MOK: variants seen among roughly 807,000 people sequenced by gnomAD.
MOK encodes the protein MAPK/MAK/MRK overlapping kinase.
A neutral mutation model predicts 54.2 loss-of-function variants in MOK; 59 were observed. The ratio of observed to expected loss-of-function variants is 1.09; its 90% CI spans 0.88 to 1.35. The LOEUF (loss-of-function observed/expected upper bound fraction) is 1.35. Ranked by LOEUF, MOK falls within the 40% of genes most tolerant of loss-of-function variation. The pLI, the probability that MOK is intolerant of heterozygous loss-of-function variation, is 0.00. For synonymous variants in MOK, 210 were observed against 202.7 expected (o/e 1.04, Z -0.31); for missense variants, 517 against 526.2 (o/e 0.98, Z 0.17).
chr14:102,237,218 C>T (rs2065300693), intron 7 of MOK, among the ~76,000 whole-genome samples: 1 of 152,196 alleles, frequency 6.6e-6, no homozygotes, highest in Non-Finnish European at 1.5e-5. Context: ...TTTTCCCTAG[C>T]CGTCTCCTTC....
intron 7 of MOK, among the ~76,000 whole-genome samples, chr14:102,243,081 G>T (rs2065840440): frequency 6.6e-6 from 1 of 152,056 alleles, no homozygotes; most frequent in South Asian, 2.1e-4. Flanking sequence ...AAACACACAT[G>T]CCCTCCCTGC....
At chr14:102,302,413 A>C (rs578205155) in intron 1 of MOK, among the ~76,000 whole-genome samples, 4 of 150,912 alleles carry the variant, frequency 2.7e-5, no homozygotes, top group Non-Finnish European at 5.9e-5. Context: ...ATATATACAT[A>C]TTTATTTTCT....
chr14:102,218,062 G>C, the MOK span, among the ~76,000 whole-genome samples: 65 of 152,342 alleles, frequency 4.3e-4, no homozygotes, highest in African/African-American at 1.5e-3. Context: ...GGATGTTGTG[G>C]CTGTGTAGAA....
At chr14:102,292,624 C>G (rs188363735) in intron 1 of MOK, among the ~76,000 whole-genome samples, 5 of 151,998 alleles carry the variant, frequency 3.3e-5, no homozygotes, top group African/African-American at 4.8e-5. Context: ...CTGTGTGCAC[C>G]TTGTCCTCCT....
chr14:102,220,439 A>G (rs2063752900), downstream of MOK, among the ~76,000 whole-genome samples: 1 of 152,252 alleles, frequency 6.6e-6, no homozygotes, highest in Non-Finnish European at 1.5e-5. The surrounding 1 kb of genome is among the most constrained non-coding windows in gnomAD (Gnocchi z 4.2). Context: ...AAATATTAAA[A>G]TTGGCCAGGT....
At chr14:102,271,172 G>A (rs1488259809) in intron 2 of MOK, among the ~76,000 whole-genome samples, 3 of 152,142 alleles carry the variant, frequency 2.0e-5, no homozygotes, top group Admixed American at 6.6e-5. Context: ...ATGACAGAGC[G>A]AGACTCCATC....
intron 1 of MOK, among the ~76,000 whole-genome samples, chr14:102,287,263 G>A (rs2070229037): frequency 6.6e-6 from 1 of 152,146 alleles, no homozygotes; most frequent in African/African-American, 2.4e-5. Context: ...GAGGTCAGGA[G>A]TTCGAGACCA....
intron 8 of MOK, chr14:102,233,322 A>C (rs898081728): frequency 1.5e-5 from 3 of 193,860 alleles, no homozygotes; most frequent in African/African-American, 7.0e-5. Flanking sequence ...CGGTCCCGCC[A>C]GCAGGGCTGT....
chr14:102,268,687 G>C (rs561664699), intron 2 of MOK, among the ~76,000 whole-genome samples: 2 of 152,050 alleles, frequency 1.3e-5, no homozygotes, highest in African/African-American at 4.8e-5. Context: ...AGGCCGAGGC[G>C]GGTGGATCAT....
chr14:102,303,761 A>G (rs1297407725), intron 1 of MOK, among the ~76,000 whole-genome samples: 1 of 152,250 alleles, frequency 6.6e-6, no homozygotes, highest in Non-Finnish European at 1.5e-5. Context: ...GTCCAGTGAA[A>G]ATAAATACAT....
In MOK at chr14:102,236,685, CCA is replaced by C. The variant is rs2065249102; in HGVS notation, c.591-2898_591-2897del. 6.6e-6 allele frequency among the ~76,000 whole-genome samples: 1 copy of C among 152,022 alleles called. No homozygotes were observed. The highest frequency in any genetic ancestry group is 2.4e-5 in the African/African-American group (1 of 41,362). On this transcript the variant is annotated intron_variant, in intron 7 of 11. Coordinates refer to ENST00000361847, the MANE Select transcript of MOK (RefSeq NM_014226.3). This position sits in a 1 kb window ranked among gnomAD's most constrained non-coding sequence, Gnocchi z 4.5. The stretch of plus-strand genomic sequence containing the variant: ...GTAAACCCAACAGGGTGGGACACCA[CCA>C]CCCCTTCCCTAGCTACTCACCACGA...
intron 7 of MOK, among the ~76,000 whole-genome samples, chr14:102,248,817 A>AT (rs1303583434): frequency 1.3e-5 from 2 of 149,730 alleles, no homozygotes; most frequent in African/African-American, 4.9e-5. Context: ...GGATGCGGCC[A>AT]TACCAAAGAA....
chr14:102,242,513 G>A lies in MOK; in HGVS notation c.590+8299C>T, dbSNP rs1466419577. On this transcript the variant is annotated intron_variant, in intron 7 of 11. Transcript: ENST00000361847. ...TCCCCACCTTAATCCACAAGTATGG[G>A]ACACCTCTACTCTCCCCTGGCAACT... 1.0e-4 allele frequency among the ~76,000 whole-genome samples: 4 copies of A among 38,174 alleles called. No homozygotes were observed. The Admixed American group carries it at 1.1e-3, about 10-fold the overall frequency. The allele number at this position is 38,174 out of a possible 152,430, so 25.0% of individuals were successfully genotyped here.
At chr14:102,222,983 T>C (rs1162605604), downstream of MOK, 1 of 1,469,660 alleles carries the variant, frequency 6.8e-7, no homozygotes, top group Non-Finnish European at 9.5e-7. The surrounding 1 kb of genome is among the most constrained non-coding windows in gnomAD (Gnocchi z 4.4). Flanking sequence ...CCGGCGGACC[T>C]CAGGCGGTGG....
chr14:102,220,250 G>A (rs2153064818), downstream of MOK, among the ~76,000 whole-genome samples: 1 of 152,272 alleles, frequency 6.6e-6, no homozygotes, highest in South Asian at 2.1e-4. This position sits in a 1 kb window ranked among gnomAD's most constrained non-coding sequence, Gnocchi z 4.2. Context: ...CTAAGGAAGG[G>A]TGCTGTCCCT....
At chr14:102,298,400 G>A (rs2153192772) in intron 1 of MOK, among the ~76,000 whole-genome samples, 1 of 152,312 alleles carries the variant, frequency 6.6e-6, no homozygotes, top group Non-Finnish European at 1.5e-5. Flanking sequence ...CTCACGGTTT[G>A]TAAATACACC....
At chr14:102,304,016 C>G (rs376224450) in intron 1 of MOK, among the ~76,000 whole-genome samples, 1 of 152,156 alleles carries the variant, frequency 6.6e-6, no homozygotes, top group Non-Finnish European at 1.5e-5. Context: ...TGGATTCTAA[C>G]TACAGCTTTG....
intron 4 of MOK, among the ~76,000 whole-genome samples, chr14:102,261,875 G>A (rs1218944648): frequency 2.1e-5 from 3 of 143,408 alleles, no homozygotes; most frequent in Non-Finnish European, 3.0e-5. Flanking sequence ...ACGGAGTCTC[G>A]CTCTGTCACC....
At chr14:102,293,775 T>C (rs2071073208) in intron 1 of MOK, among the ~76,000 whole-genome samples, 1 of 151,946 alleles carries the variant, frequency 6.6e-6, no homozygotes, top group Non-Finnish European at 1.5e-5. Context: ...TATGTAATTT[T>C]TTTAATGTAT....
Sources: gnomAD v4.1 joint callset for allele counts (sites outside exome capture counted in the v4.1 genomes callset) on GRCh38, gnomAD v4.1.1 for gene constraint, Gnocchi (gnomAD v3.1) non-coding constraint, MANE v1.5 for transcripts, NCBI Gene and HGNC (gene_info 2026-07-23, HGNC 2026-07-21) for gene names.